Variants in TNR observed in about 807,000 individuals in gnomAD.
The protein encoded by TNR is tenascin R, also known as tenascin-R.
TNR carries 45 observed loss-of-function variants against 150.4 expected under a neutral mutation model. The ratio of observed to expected loss-of-function variants is 0.30; its 90% CI spans 0.24 to 0.38. TNR has a LOEUF of 0.38. Among genes scored for constraint, TNR ranks in the 10% least tolerant of loss-of-function variants. The pLI is 1.00. For missense variants in TNR, 1,544 were observed against 1,759.1 expected, an observed-to-expected ratio of 0.88 and a Z score of 2.19; for synonymous variants, 687 against 678.4, an observed-to-expected ratio of 1.01 and a Z score of -0.20.
intron 9 of TNR, among the ~76,000 whole-genome samples, chr1:175,368,611 C>T (rs1190115993): frequency 6.6e-6 from 1 of 152,212 alleles, no homozygotes; most frequent in African/African-American, 2.4e-5. Flanking sequence ...TCTATTACAA[C>T]TGGCATCAAA....
chr1:175,571,864 G>T (rs1420945516), intron 1 of TNR, among the ~76,000 whole-genome samples: 1 of 152,198 alleles, frequency 6.6e-6, no homozygotes, highest in Non-Finnish European at 1.5e-5. Flanking sequence ...GACTGTCAAA[G>T]GCAACCCTGG....
intron 1 of TNR, among the ~76,000 whole-genome samples, chr1:175,570,436 G>T (rs75631887): frequency 6.6e-6 from 1 of 152,108 alleles, no homozygotes; most frequent in Non-Finnish European, 1.5e-5. Flanking sequence ...TGTGTGGGGG[G>T]TGTTCATGTG....
At chr1:175,553,196 T>TG (rs1226140711) in intron 1 of TNR, among the ~76,000 whole-genome samples, 1 of 152,146 alleles carries the variant, frequency 6.6e-6, no homozygotes, top group Admixed American at 6.5e-5. Context: ...GGAAAAGTGG[T>TG]GGGGATGAAA....
At chr1:175,712,399 A>C (rs1478601857) in intron 1 of TNR, among the ~76,000 whole-genome samples, 1 of 152,138 alleles carries the variant, frequency 6.6e-6, no homozygotes, top group Non-Finnish European at 1.5e-5. Flanking sequence ...TGAGGAGACC[A>C]CTGCAATAAC....
In TNR at chr1:175,489,999, C is replaced by G. The variant is rs546965761; in HGVS notation, c.-64+38270G>C. Among the ~76,000 whole-genome samples, 28 of 152,312 alleles carry G rather than the reference C, an allele frequency of 1.8e-4. No individual in the cohort carries two copies. The South Asian group carries it at 2.3e-3, about 12-fold the overall frequency. On this transcript the variant is annotated intron_variant, in intron 2 of 22. Coordinates refer to ENST00000367674, the MANE Select transcript of TNR (RefSeq NM_003285.3). ...TACTACTAGGCTACAGTAACCAAAA[C>G]AGCATGCTATTGGTACAAAAACAGA...
At chr1:175,578,045 G>A (rs1161310301) in intron 1 of TNR, among the ~76,000 whole-genome samples, 1 of 152,150 alleles carries the variant, frequency 6.6e-6, no homozygotes, top group African/African-American at 2.4e-5. Context: ...CCAGCCCAGG[G>A]CCTGCCGTGT....
chr1:175,642,842 G>T (rs934467817), intron 1 of TNR, among the ~76,000 whole-genome samples: 1 of 152,142 alleles, frequency 6.6e-6, no homozygotes, highest in African/African-American at 2.4e-5. Flanking sequence ...GAAGCAGGAG[G>T]ATCACTTGAG....
chr1:175,378,461 G>A lies in TNR; in HGVS notation c.1963+1091C>T, dbSNP rs1458193672. Among the ~76,000 whole-genome samples the A allele has an allele frequency of 2.0e-5, 3 of 152,220 alleles. No individual in the cohort carries two copies. In the East Asian group the frequency reaches 5.8e-4, roughly 29 times the overall value. On this transcript the variant is annotated intron_variant, in intron 9 of 22. Coordinates refer to ENST00000367674, the MANE Select transcript of TNR (RefSeq NM_003285.3). Reference sequence around the variant, plus strand: ...TGCCACACATGTAAAATGATAACCTGAGGAGTGCTAAGAAGTGAATGGAAA... The same window carrying A: ...TGCCACACATGTAAAATGATAACCTAAGGAGTGCTAAGAAGTGAATGGAAA...
chr1:175,727,274 C>T (rs1667505754), intron 1 of TNR, among the ~76,000 whole-genome samples: 1 of 152,186 alleles, frequency 6.6e-6, no homozygotes, highest in Admixed American at 6.5e-5. Flanking sequence ...TTATCATGGA[C>T]CCCAGTTTTC....
chr1:175,465,850 C>G (rs1470016655), intron 2 of TNR, among the ~76,000 whole-genome samples: 1 of 152,222 alleles, frequency 6.6e-6, no homozygotes, highest in Non-Finnish European at 1.5e-5. Flanking sequence ...TATAAGCAGA[C>G]CTGCTGGTTA....
chr1:175,360,507 T>G (rs931709273), intron 14 of TNR, among the ~76,000 whole-genome samples: 14 of 152,200 alleles, frequency 9.2e-5, no homozygotes, highest in African/African-American at 3.4e-4. Context: ...AGTCTTTGCT[T>G]TATTACTGTG....
At chr1:175,689,102 T>G (rs796227704) in intron 1 of TNR, among the ~76,000 whole-genome samples, 8 of 152,312 alleles carry the variant, frequency 5.3e-5, no homozygotes, top group African/African-American at 1.9e-4. Flanking sequence ...GCTGTCTCTG[T>G]AGGACCACGT....
chr1:175,578,200 G>C (rs547266194), intron 1 of TNR, among the ~76,000 whole-genome samples: 3 of 152,116 alleles, frequency 2.0e-5, no homozygotes, highest in Admixed American at 6.5e-5. Context: ...GTGGACGTGG[G>C]TGTGAGGTGG....
rs574982264 is a variant in TNR, at chr1:175,336,609, A to G, written c.3535-802T>C. 5.9e-5 allele frequency among the ~76,000 whole-genome samples: 9 copies of G among 152,298 alleles called. No homozygotes were observed. The South Asian group carries it at 1.9e-3, about 32-fold the overall frequency. On this transcript the variant is annotated intron_variant, in intron 19 of 22. Coordinates refer to ENST00000367674, the MANE Select transcript of TNR (RefSeq NM_003285.3). ...GGCTTGCATTAAGGAGGCTGCCCTT[A>G]TTTTCCCTCACTCTGTATTGCCCTA...
intron 2 of TNR, among the ~76,000 whole-genome samples, chr1:175,498,390 G>A (rs1658579184): frequency 6.6e-6 from 1 of 152,192 alleles, no homozygotes; most frequent in African/African-American, 2.4e-5. Context: ...CTGCTAGCTG[G>A]ATACAAGGAT....
At chr1:175,610,543 G>A (rs1663559381) in intron 1 of TNR, among the ~76,000 whole-genome samples, 1 of 152,226 alleles carries the variant, frequency 6.6e-6, no homozygotes, top group African/African-American at 2.4e-5. Context: ...CTGGGAAGCA[G>A]CTGGCCTCAG....
At chr1:175,370,148 G>T (rs921370170) in intron 9 of TNR, among the ~76,000 whole-genome samples, 6 of 152,018 alleles carry the variant, frequency 3.9e-5, no homozygotes, top group African/African-American at 1.5e-4. Flanking sequence ...CTTTTTACCT[G>T]TGTAATTTTG....
chr1:175,458,626 G>A (rs1176667293), intron 2 of TNR, among the ~76,000 whole-genome samples: 1 of 152,102 alleles, frequency 6.6e-6, no homozygotes, highest in African/African-American at 2.4e-5. Context: ...TCAAGAAAGT[G>A]CTTTGGACAC....
At chr1:175,408,982 A>G (rs35587621) in intron 2 of TNR, among the ~76,000 whole-genome samples, 17,449 of 152,196 alleles carry the variant, frequency 0.11, 1,205 homozygotes, top group South Asian at 0.19. Flanking sequence ...AGACAAGGTA[A>G]ATAAACCTTG....
Sources: allele counts gnomAD v4.1 joint callset (sites outside exome capture counted in the v4.1 genomes callset), GRCh38; gene constraint gnomAD v4.1.1; transcripts MANE v1.5; gene names NCBI Gene and HGNC (gene_info 2026-07-23, HGNC 2026-07-21).